TMPRSS15: variants seen among roughly 807,000 people sequenced by gnomAD.
TMPRSS15 encodes transmembrane serine protease 15, also known as enteropeptidase.
Under a neutral mutation model 125.3 loss-of-function variants are expected in TMPRSS15, and 128 were observed. That is an observed-to-expected ratio of 1.02 (90% CI 0.89 to 1.18). TMPRSS15 has a LOEUF of 1.18. TMPRSS15 is among the 50% of genes most tolerant of loss of function. The pLI, the probability that TMPRSS15 is intolerant of heterozygous loss-of-function variation, is 0.00. For synonymous variants in TMPRSS15, 446 were observed against 423.2 expected (o/e 1.05, Z -0.66); for missense variants, 1,283 against 1,212.7 (o/e 1.06, Z -0.86).
chr21:18,409,655 T>C (rs1196142378), intron 1 of TMPRSS15, among the ~76,000 whole-genome samples: 1 of 152,144 alleles, frequency 6.6e-6, no homozygotes, highest in Non-Finnish European at 1.5e-5. Context: ...AATTATAATC[T>C]TTCTATTTTA....
Position 18,343,548 on chromosome 21 carries a change from C to T in TMPRSS15, c.1386G>A (p.Trp462Ter), listed in dbSNP as rs752898682. ...FQKEGNYGDN[W>*]NYGQVTLNET... is the part of the protein sequence containing the mutation. ...CATTTAGGGTTACTTGTCCATAATT[C>T]CAATTGTCTCCATAATTTCCTTCCT... Residue 462 changes from tryptophan to a stop codon, truncating the protein, a stop_gained, in exon 12 of 25, where the codon TGG (tryptophan) becomes TGA (stop). Coordinates refer to ENST00000284885, the MANE Select transcript of TMPRSS15 (RefSeq NM_002772.3). LOFTEE classifies it high-confidence loss of function. The T allele has an allele frequency of 6.2e-7, 1 of 1,613,228 alleles. No homozygotes were observed. Among genetic ancestry groups the T allele is most frequent in the Admixed American group, 1.7e-5 (1 of 60,008 alleles).
chr21:18,333,143 G>A (rs908237223), intron 13 of TMPRSS15, among the ~76,000 whole-genome samples: 1 of 152,102 alleles, frequency 6.6e-6, no homozygotes, highest in Non-Finnish European at 1.5e-5. Flanking sequence ...TCACTTGTGA[G>A]TACTAGGCTT....
chr21:18,349,374 A>G (rs1191130175), intron 10 of TMPRSS15, among the ~76,000 whole-genome samples: 1 of 152,200 alleles, frequency 6.6e-6, no homozygotes, highest in Non-Finnish European at 1.5e-5. Flanking sequence ...CCATTGCTTC[A>G]CCAGAAGAGA....
At position 18,335,488 on chromosome 21, in the gene TMPRSS15, G is replaced by A. The variant is rs577951189; in HGVS notation, c.1565-3315C>T. 6.6e-5 allele frequency among the ~76,000 whole-genome samples: 10 copies of A among 152,290 alleles called. No homozygotes were observed. The South Asian group carries it at 1.0e-3, about 16-fold the overall frequency. On this transcript the variant is annotated intron_variant, in intron 13 of 24. Transcript: ENST00000284885. ...ATGAGCACATAACAAGAACTCCAACGTTGTCAAGTGTAATAGTTAAGCCTG... is the reference window on the plus strand; with the variant it reads ...ATGAGCACATAACAAGAACTCCAACATTGTCAAGTGTAATAGTTAAGCCTG...
chr21:18,351,598 G>T (rs1206035293), intron 10 of TMPRSS15, among the ~76,000 whole-genome samples: 10 of 152,166 alleles, frequency 6.6e-5, no homozygotes, highest in Admixed American at 2.0e-4. Context: ...AGACGTGTCT[G>T]CTTTGCCTTC....
intron 1 of TMPRSS15, among the ~76,000 whole-genome samples, chr21:18,410,203 T>C (rs1042069962): frequency 6.6e-6 from 1 of 151,802 alleles, no homozygotes; most frequent in East Asian, 1.9e-4. Context: ...CAGCCTTCTT[T>C]TGATGGCCCA....
intron 3 of TMPRSS15, among the ~76,000 whole-genome samples, chr21:18,392,125 C>T (rs2075995986): frequency 6.6e-6 from 1 of 152,206 alleles, no homozygotes. Flanking sequence ...AGAACTCTGA[C>T]ATGCCACGGA....
At chr21:18,334,774 C>A (rs1232199980) in intron 13 of TMPRSS15, among the ~76,000 whole-genome samples, 1 of 152,288 alleles carries the variant, frequency 6.6e-6, no homozygotes, top group Admixed American at 6.5e-5. Flanking sequence ...TTTACTGTCT[C>A]CTATTGGGTT....
chr21:18,270,966 T>C (rs926227428), intron 24 of TMPRSS15, among the ~76,000 whole-genome samples: 1 of 152,236 alleles, frequency 6.6e-6, no homozygotes, highest in African/African-American at 2.4e-5. Flanking sequence ...ACTGGTATAA[T>C]AGAATATTTC....
chr21:18,377,985 G>A (rs2075859890), intron 5 of TMPRSS15, among the ~76,000 whole-genome samples: 1 of 152,072 alleles, frequency 6.6e-6, no homozygotes, highest in Admixed American at 6.6e-5. Context: ...TTGAAACACT[G>A]TTTCTACCTA....
At chr21:18,390,606 G>A (rs2075982506) in intron 3 of TMPRSS15, among the ~76,000 whole-genome samples, 1 of 152,126 alleles carries the variant, frequency 6.6e-6, no homozygotes, top group Admixed American at 6.5e-5. Flanking sequence ...TGTGAGAATT[G>A]TACTTTAAAT....
At chr21:18,279,085 C>G (rs1027235066) in intron 22 of TMPRSS15, 26 bp from the exon 23 acceptor site, 7 of 1,168,174 alleles carry the variant, frequency 6.0e-6, no homozygotes, top group Non-Finnish European at 1.3e-6. Flanking sequence ...AACAGCAAAA[C>G]GAACAAACGA....
At chr21:18,298,120 CACTT>C (rs10537881) in intron 18 of TMPRSS15, among the ~76,000 whole-genome samples, 1,775 of 152,252 alleles carry the variant, frequency 0.012, 14 homozygotes, top group Non-Finnish European at 0.02. Context: ...TTACATATAT[CACTT>C]AGTTACCTGT....
intron 22 of TMPRSS15, among the ~76,000 whole-genome samples, chr21:18,280,599 C>CAAAAAAAAA (rs2074685668): frequency 8.3e-6 from 1 of 119,768 alleles, no homozygotes; most frequent in African/African-American, 4.1e-5. Context: ...AAAAAAACAA[C>CAAAAAAAAA]AAAACAACAA....
chr21:18,472,641 C>CA (rs1274858107), intron 1 of TMPRSS15, among the ~76,000 whole-genome samples: 1 of 151,298 alleles, frequency 6.6e-6, no homozygotes, highest in East Asian at 1.9e-4. Context: ...TCAAAGAAAG[C>CA]AAAAAATGAG....
At chr21:18,478,469 T>G (rs1978920906) in intron 1 of TMPRSS15, among the ~76,000 whole-genome samples, 1 of 152,000 alleles carries the variant, frequency 6.6e-6, no homozygotes, top group African/African-American at 2.4e-5. Context: ...GTTTCACCCT[T>G]TATTACCACC....
chr21:18,338,740 A>AG lies in TMPRSS15; in HGVS notation c.1564+2672_1564+2673insC, dbSNP rs1555900297. Among the ~76,000 whole-genome samples the AG allele has an allele frequency of 6.8e-4, 103 of 151,246 alleles. 1 individual carries two copies. The highest frequency in any genetic ancestry group is 1.6e-3 in the East Asian group (8 of 5,092). Reference sequence around the variant, plus strand: ...ACAGAGAGAGAGATAAAGAGAGAGAAAGAGAGAGAGAGGCTTAGTCTGTCT... The same window carrying AG: ...ACAGAGAGAGAGATAAAGAGAGAGAAGAGAGAGAGAGAGGCTTAGTCTGTCT... On this transcript the variant is annotated intron_variant, in intron 13 of 24. Transcript: ENST00000284885.
chr21:18,451,534 G>A (rs1978339476), intron 1 of TMPRSS15, among the ~76,000 whole-genome samples: 1 of 152,156 alleles, frequency 6.6e-6, no homozygotes, highest in Non-Finnish European at 1.5e-5. Flanking sequence ...GCAACAAGAA[G>A]CATTGAGGTG....
intron 1 of TMPRSS15, among the ~76,000 whole-genome samples, chr21:18,453,091 A>G (rs1308317177): frequency 1.3e-5 from 2 of 152,326 alleles, no homozygotes; most frequent in South Asian, 2.1e-4. Flanking sequence ...AACAACTGCC[A>G]CAGTTTATAA....
Sources: allele counts gnomAD v4.1 joint callset (sites outside exome capture counted in the v4.1 genomes callset), GRCh38; gene constraint gnomAD v4.1.1; transcripts MANE v1.5; gene names NCBI Gene and HGNC (gene_info 2026-07-23, HGNC 2026-07-21).